The following WDR25 variants were observed in gnomAD, a reference collection of about 807,000 sequenced individuals.
WDR25 encodes the protein WD repeat-containing protein 25.
A neutral mutation model predicts 47.7 loss-of-function variants in WDR25; 35 were observed. The ratio of observed to expected loss-of-function variants is 0.73; its 90% CI spans 0.56 to 0.97. The LOEUF is 0.97. WDR25 is among the 50% of genes least tolerant of loss of function. The pLI is 0.00. For synonymous variants in WDR25, 248 were observed against 278.9 expected, an observed-to-expected ratio of 0.89 and a Z score of 1.10; for missense variants, 634 against 704.7, an observed-to-expected ratio of 0.90 and a Z score of 1.14.
At position 100,499,800 on chromosome 14, in the gene WDR25, G is replaced by T. The variant is rs1452989083; in HGVS notation, c.1101+15676G>T. ...TGGGTCCCAGGGGGTGAAGTTCGCT[G>T]TGTTCTGCTTTGCTCCCAGTCCTTG... On this transcript the variant is annotated intron_variant, in intron 4 of 6. Coordinates refer to ENST00000402312, the MANE Select transcript of WDR25 (RefSeq NM_001161476.3). The surrounding 1 kb of genome is among the most constrained non-coding windows in gnomAD (Gnocchi z 4.4). Among the ~76,000 whole-genome samples the T allele has an allele frequency of 6.6e-6, 1 of 152,148 alleles. No individual in the cohort carries two copies. The highest frequency in any genetic ancestry group is 1.9e-4 in the East Asian group (1 of 5,196).
At chr14:100,431,598 G>C (rs1288370544) in intron 2 of WDR25, among the ~76,000 whole-genome samples, 2 of 151,542 alleles carry the variant, frequency 1.3e-5, no homozygotes, top group Admixed American at 1.3e-4. Flanking sequence ...CCAGGCTGGA[G>C]TGCAATGGGA....
intron 2 of WDR25, among the ~76,000 whole-genome samples, chr14:100,446,905 G>A (rs1898853318): frequency 6.6e-6 from 1 of 152,168 alleles, no homozygotes; most frequent in Non-Finnish European, 1.5e-5. Context: ...AGCAGCTTCT[G>A]AAAATTATCG....
intron 4 of WDR25, among the ~76,000 whole-genome samples, chr14:100,501,966 C>G (rs1363609457): frequency 1.3e-5 from 2 of 152,204 alleles, no homozygotes; most frequent in African/African-American, 2.4e-5. Flanking sequence ...TCATCTCACT[C>G]TCCAGGAGCC....
chr14:100,438,171 A>G (rs1394871973), intron 2 of WDR25, among the ~76,000 whole-genome samples: 1 of 152,164 alleles, frequency 6.6e-6, no homozygotes, highest in East Asian at 1.9e-4. Flanking sequence ...ATGAAGTGTA[A>G]TTTGGAGAAG....
At chr14:100,390,021 G>T (rs1897105832) in intron 2 of WDR25, among the ~76,000 whole-genome samples, 1 of 152,014 alleles carries the variant, frequency 6.6e-6, no homozygotes, top group Non-Finnish European at 1.5e-5. Flanking sequence ...TTTTTCTGGG[G>T]AATTTCTTCC....
chr14:100,443,804 G>C (rs1898741592), intron 2 of WDR25, among the ~76,000 whole-genome samples: 1 of 152,326 alleles, frequency 6.6e-6, no homozygotes, highest in Middle Eastern at 3.4e-3. Flanking sequence ...CATTTGGAAG[G>C]CATGAGGAAT....
chr14:100,443,052 G>T (rs997021068), intron 2 of WDR25, among the ~76,000 whole-genome samples: 3 of 152,340 alleles, frequency 2.0e-5, no homozygotes, highest in South Asian at 2.1e-4. Context: ...GGTGCCCACT[G>T]CTCCCTGTCT....
At chr14:100,433,226 A>T (rs1898395927) in intron 2 of WDR25, among the ~76,000 whole-genome samples, 1 of 152,228 alleles carries the variant, frequency 6.6e-6, no homozygotes, top group Non-Finnish European at 1.5e-5. Context: ...CGTTAGTTTG[A>T]AACAGTTCCT....
At chr14:100,493,319 A>G (rs1900625045) in intron 4 of WDR25, among the ~76,000 whole-genome samples, 1 of 152,084 alleles carries the variant, frequency 6.6e-6, no homozygotes, top group Non-Finnish European at 1.5e-5. Flanking sequence ...GCAACCATAA[A>G]TCTACTCTGT....
chr14:100,384,477 G>T (rs1298981868), intron 2 of WDR25, among the ~76,000 whole-genome samples: 4 of 152,228 alleles, frequency 2.6e-5, no homozygotes, highest in African/African-American at 7.2e-5. Context: ...GAGGCCTCAG[G>T]CTTGCTGGGC....
At chr14:100,518,578 C>T (rs1901587298) in intron 4 of WDR25, among the ~76,000 whole-genome samples, 1 of 152,082 alleles carries the variant, frequency 6.6e-6, no homozygotes, top group Non-Finnish European at 1.5e-5. Flanking sequence ...GTACTGCTGT[C>T]TTCACCTTCT....
intron 2 of WDR25, among the ~76,000 whole-genome samples, chr14:100,459,672 C>G (rs1595109715): frequency 1.3e-5 from 2 of 151,738 alleles, no homozygotes; most frequent in South Asian, 4.2e-4. Flanking sequence ...TATGTGAATA[C>G]AAAGACAGCC....
intron 2 of WDR25, among the ~76,000 whole-genome samples, chr14:100,396,863 C>G (rs1328291910): frequency 6.6e-6 from 1 of 152,264 alleles, no homozygotes; most frequent in African/African-American, 2.4e-5. Context: ...GTAACAATAC[C>G]TATCTCACAG....
Position 100,430,850 on chromosome 14 carries a change from C to G in WDR25, c.823-37171C>G, listed in dbSNP as rs890287828. Reference sequence around the variant, plus strand: ...CGAGAAGGGGCCTAAGAGGTGCCCACTCCCCTCCTTGTGGGTCATTTCATC... The same window carrying G: ...CGAGAAGGGGCCTAAGAGGTGCCCAGTCCCCTCCTTGTGGGTCATTTCATC... On this transcript the variant is annotated intron_variant, in intron 2 of 6. Transcript: ENST00000402312. The surrounding 1 kb of genome is among the most constrained non-coding windows in gnomAD (Gnocchi z 4.7). 2.0e-5 allele frequency among the ~76,000 whole-genome samples: 3 copies of G among 152,224 alleles called. No homozygotes were observed. Among genetic ancestry groups the G allele is most frequent in the Non-Finnish European group, 4.4e-5 (3 of 68,040 alleles).
Position 100,440,980 on chromosome 14 carries a change from G to A in WDR25, c.823-27041G>A, listed in dbSNP as rs1182717347. Among the ~76,000 whole-genome samples the A allele has an allele frequency of 1.3e-5, 2 of 152,074 alleles. No homozygotes were observed. Among genetic ancestry groups the A allele is most frequent in the Non-Finnish European group, 2.9e-5 (2 of 68,016 alleles). ...CTGCTGAATTTGTGTCAAAGTACCC[G>A]GTCCCTGGCATTTTGAGAAAGGGAT... is the stretch of plus-strand genomic sequence containing the variant. On this transcript the variant is annotated intron_variant, in intron 2 of 6. Coordinates refer to ENST00000402312, the MANE Select transcript of WDR25 (RefSeq NM_001161476.3). This position sits in a 1 kb window ranked among gnomAD's most constrained non-coding sequence, Gnocchi z 4.4.
At chr14:100,446,199 G>A (rs1004759627) in intron 2 of WDR25, among the ~76,000 whole-genome samples, 1 of 152,194 alleles carries the variant, frequency 6.6e-6, no homozygotes, top group African/African-American at 2.4e-5. Context: ...GGGGTCCTGC[G>A]GTGGTGGTCA....
At chr14:100,517,842 TCAAA>T (rs1050231716) in intron 4 of WDR25, among the ~76,000 whole-genome samples, 4 of 152,272 alleles carry the variant, frequency 2.6e-5, no homozygotes, top group South Asian at 2.1e-4. Context: ...AGACGCCGTC[TCAAA>T]CAAACAAACA....
intron 2 of WDR25, among the ~76,000 whole-genome samples, chr14:100,384,437 A>G (rs539271391): frequency 1.3e-5 from 2 of 152,226 alleles, no homozygotes; most frequent in South Asian, 4.1e-4. Flanking sequence ...GCGGGGAGCC[A>G]GGCAGGAGCT....
chr14:100,451,607 G>A (rs950516237), intron 2 of WDR25, among the ~76,000 whole-genome samples: 1 of 152,198 alleles, frequency 6.6e-6, no homozygotes, highest in African/African-American at 2.4e-5. Context: ...GAAAGGTGCT[G>A]ACATTCAGAG....
Sources: allele counts gnomAD v4.1 joint callset (sites outside exome capture counted in the v4.1 genomes callset), GRCh38; gene constraint gnomAD v4.1.1; non-coding constraint Gnocchi (gnomAD v3.1); transcripts MANE v1.5; gene names NCBI Gene and HGNC (gene_info 2026-07-23, HGNC 2026-07-21).